Variants in PHACTR3 observed in about 807,000 individuals in gnomAD.
PHACTR3 encodes the protein phosphatase and actin regulator 3, also known as protein phosphatase 1, regulatory subunit 123.
Under a neutral mutation model 66.8 loss-of-function variants are expected in PHACTR3, and 16 were observed. The ratio of observed to expected loss-of-function variants is 0.24; its 90% CI spans 0.16 to 0.36. The LOEUF is 0.36. Among genes scored for constraint, PHACTR3 ranks in the 10% least tolerant of loss-of-function variants. The pLI, the probability that PHACTR3 is intolerant of heterozygous loss-of-function variation, is 1.00. For synonymous variants in PHACTR3, 323 were observed against 292.1 expected, an observed-to-expected ratio of 1.11 and a Z score of -1.08; for missense variants, 647 against 719.9, an observed-to-expected ratio of 0.90 and a Z score of 1.16.
intron 5 of PHACTR3, among the ~76,000 whole-genome samples, chr20:59,771,031 C>T (rs2040341123): frequency 6.6e-6 from 1 of 152,134 alleles, no homozygotes; most frequent in Admixed American, 6.5e-5. Context: ...ACAAGTGGTC[C>T]CCTGCACAAG....
intron 8 of PHACTR3, among the ~76,000 whole-genome samples, chr20:59,822,660 A>G (rs973519562): frequency 6.6e-6 from 1 of 152,138 alleles, no homozygotes; most frequent in African/African-American, 2.4e-5. Context: ...TCTTAAATCA[A>G]GGACACTTTC....
chr20:59,826,393 G>A (rs903875535), intron 8 of PHACTR3, among the ~76,000 whole-genome samples: 3 of 152,186 alleles, frequency 2.0e-5, no homozygotes, highest in Non-Finnish European at 4.4e-5. Flanking sequence ...GACTCAACCT[G>A]GGCTTGGCTC....
At chr20:59,720,188 C>T (rs553427759) in intron 1 of PHACTR3, among the ~76,000 whole-genome samples, 31 of 152,170 alleles carry the variant, frequency 2.0e-4, no homozygotes, top group Admixed American at 2.0e-3. Context: ...AGCAGGCTAG[C>T]ATATCTGGTC....
At chr20:59,766,948 G>GA (rs1267651858) in intron 4 of PHACTR3, among the ~76,000 whole-genome samples, 12 of 152,236 alleles carry the variant, frequency 7.9e-5, no homozygotes, top group African/African-American at 2.9e-4. Flanking sequence ...CTCTCATGTG[G>GA]AAAAAAGAAT....
intron 9 of PHACTR3, 79 bp downstream of exon 9, chr20:59,836,639 C>T: frequency 7.1e-7 from 1 of 1,413,554 alleles, no homozygotes; most frequent in East Asian, 2.5e-5. Context: ...TTCCCATAAC[C>T]CAGCCCTTCT....
At chr20:59,639,743 C>T (rs1410043388) in intron 1 of PHACTR3, among the ~76,000 whole-genome samples, 1 of 152,138 alleles carries the variant, frequency 6.6e-6, no homozygotes, top group Non-Finnish European at 1.5e-5. Context: ...GGGATGGATG[C>T]ACATGAATGG....
chr20:59,648,124 C>T (rs950662906), intron 1 of PHACTR3, among the ~76,000 whole-genome samples: 11 of 152,152 alleles, frequency 7.2e-5, no homozygotes, highest in East Asian at 1.9e-4. Flanking sequence ...TGACTGACAC[C>T]GTTTTGTGAT....
intron 1 of PHACTR3, chr20:59,628,507 T>C (rs1180009862): frequency 9.5e-6 from 4 of 419,916 alleles, no homozygotes; most frequent in African/African-American, 2.2e-5. Context: ...GCCCTCGGAG[T>C]GCAGCCGTGC....
At chr20:59,590,879 TATC>T (rs2033161665) in intron 1 of PHACTR3, among the ~76,000 whole-genome samples, 1 of 152,134 alleles carries the variant, frequency 6.6e-6, no homozygotes, top group Admixed American at 6.5e-5. Context: ...ATAAGGCACT[TATC>T]ATTGATGAGG....
intron 1 of PHACTR3, among the ~76,000 whole-genome samples, chr20:59,637,904 C>G (rs2034953193): frequency 6.6e-6 from 1 of 152,150 alleles, no homozygotes; most frequent in African/African-American, 2.4e-5. Context: ...TCTTTACATA[C>G]TTTATCTTCC....
At chr20:59,626,491 C>A (rs1008384314) in intron 1 of PHACTR3, 1 of 152,314 alleles carries the variant, frequency 6.6e-6, no homozygotes, top group African/African-American at 2.4e-5. Context: ...TGACTACCCT[C>A]GAGAAGAGCA....
At chr20:59,620,184 C>T (rs1464773452) in intron 1 of PHACTR3, among the ~76,000 whole-genome samples, 2 of 152,186 alleles carry the variant, frequency 1.3e-5, no homozygotes, top group Non-Finnish European at 2.9e-5. Flanking sequence ...CATTTTTAAA[C>T]TTTTCGCTTT....
Position 59,674,359 on chromosome 20 carries a change from T to TCTTCCCCTTCTCCTGTTC in PHACTR3, c.119-68727_119-68710dup, listed in dbSNP as rs1162422528. On this transcript the variant is annotated intron_variant, in intron 1 of 12. Coordinates refer to ENST00000371015, the MANE Select transcript of PHACTR3 (RefSeq NM_080672.5). ...CCCTTGGGTTTGCCCCACTCTGCCC[T>TCTTCCCCTTCTCCTGTTC]CTTCCCCTTCTCCTGTTCCTTCCCC... Among the ~76,000 whole-genome samples, 19 of 120,050 alleles carry TCTTCCCCTTCTCCTGTTC rather than the reference T, an allele frequency of 1.6e-4. 1 individual carries two copies. The highest frequency in any genetic ancestry group is 6.5e-4 in the African/African-American group (16 of 24,800). 78.8% of individuals were successfully genotyped at this position (120,050 alleles called of 152,430 possible).
At chr20:59,772,327 G>GT (rs1410932343) in intron 5 of PHACTR3, among the ~76,000 whole-genome samples, 1 of 152,198 alleles carries the variant, frequency 6.6e-6, no homozygotes, top group African/African-American at 2.4e-5. Flanking sequence ...GTACACAAGT[G>GT]TTTATTGCCC....
intron 1 of PHACTR3, chr20:59,577,650 C>T (rs2032750940): frequency 1.0e-5 from 12 of 1,189,984 alleles, no homozygotes; most frequent in Non-Finnish European, 1.1e-5. Context: ...GGACGCGGGA[C>T]GTGGGGCCCG....
upstream of PHACTR3, among the ~76,000 whole-genome samples, chr20:59,601,000 G>T (rs118108897): frequency 1.8e-4 from 27 of 150,512 alleles, no homozygotes; most frequent in South Asian, 6.3e-4. Context: ...TTAAGTTCAC[G>T]CATTTAAAGT....
chr20:59,666,518 A>C (rs1601044000), intron 1 of PHACTR3, among the ~76,000 whole-genome samples: 1 of 150,958 alleles, frequency 6.6e-6, no homozygotes, highest in African/African-American at 2.4e-5. Flanking sequence ...ATTTCAGAGG[A>C]AGAGAGAGAC....
At chr20:59,602,454 A>AG (rs1555876433), upstream of PHACTR3, among the ~76,000 whole-genome samples, 376 of 151,500 alleles carry the variant, frequency 2.5e-3, no homozygotes, top group African/African-American at 8.6e-3. Flanking sequence ...AAAAAAAAAA[A>AG]AGAGAGAGAG....
At chr20:59,686,051 AC>A (rs966391550) in intron 1 of PHACTR3, among the ~76,000 whole-genome samples, 33 of 150,922 alleles carry the variant, frequency 2.2e-4, no homozygotes, top group African/African-American at 6.1e-4. Flanking sequence ...GGGGTGGGCT[AC>A]CCCCCCCATA....
Sources: allele counts gnomAD v4.1 joint callset (sites outside exome capture counted in the v4.1 genomes callset), GRCh38; gene constraint gnomAD v4.1.1; transcripts MANE v1.5; gene names NCBI Gene and HGNC (gene_info 2026-07-23, HGNC 2026-07-21).